Variants in FOXP1 observed in about 807,000 individuals in gnomAD.
FOXP1 encodes the protein forkhead box protein P1.
In FOXP1, 15 loss-of-function variants were observed where a neutral mutation model predicts 98.2. The ratio of observed to expected loss-of-function variants is 0.15; its 90% CI spans 0.10 to 0.24. The LOEUF is 0.24. Among genes scored for constraint, FOXP1 ranks in the 10% least tolerant of loss-of-function variants. FOXP1 has a pLI of 1.00. For missense variants in FOXP1, 633 were observed against 848.5 expected (o/e 0.75, Z 3.15); for synonymous variants, 371 against 314.5 (o/e 1.18, Z -1.90).
At chr3:71,443,241 G>A (rs1316068942) in intron 3 of FOXP1, among the ~76,000 whole-genome samples, 1 of 152,138 alleles carries the variant, frequency 6.6e-6, no homozygotes, top group African/African-American at 2.4e-5. Flanking sequence ...TATTCATGGG[G>A]TACTGTGTGA....
intron 5 of FOXP1, among the ~76,000 whole-genome samples, chr3:71,232,048 G>T (rs375172376): frequency 2.1e-4 from 32 of 152,328 alleles, no homozygotes; most frequent in African/African-American, 7.7e-4. Flanking sequence ...ATTTCTGGGG[G>T]TTGTCTGTCT....
intron 4 of FOXP1, among the ~76,000 whole-genome samples, chr3:71,304,271 G>A (rs1337191278): frequency 1.3e-5 from 2 of 152,098 alleles, no homozygotes; most frequent in African/African-American, 2.4e-5. Context: ...ACTCTCTCCT[G>A]CCTTACAGAA....
intron 14 of FOXP1, among the ~76,000 whole-genome samples, chr3:70,985,509 C>A (rs2039588248): frequency 6.6e-6 from 1 of 151,990 alleles, no homozygotes; most frequent in African/African-American, 2.4e-5. Flanking sequence ...AAGATGGTAT[C>A]TTTAATAAAA....
Position 71,534,453 on chromosome 3 carries a change from A to G in FOXP1, c.-297-40898T>C, listed in dbSNP as rs116712357. Among the ~76,000 whole-genome samples the G allele has an allele frequency of 4.2e-3, 633 of 152,214 alleles. 4 individuals are homozygous for G. The highest frequency in any genetic ancestry group is 0.014 in the African/African-American group (580 of 41,512). ...TGAGTTTTCACTCTGCATGTGGTCG[A>G]AAAAAAATCCACGTATGAGTAGACA... On this transcript the variant is annotated intron_variant, in intron 2 of 20. Transcript: ENST00000649528.
chr3:71,402,182 C>T (rs546073603), intron 3 of FOXP1, among the ~76,000 whole-genome samples: 8 of 152,260 alleles, frequency 5.3e-5, no homozygotes, highest in Admixed American at 4.6e-4. Context: ...AGGCCGGGCG[C>T]GGTGGCTCAC....
At chr3:71,047,623 C>T (rs752807357) in intron 9 of FOXP1, among the ~76,000 whole-genome samples, 26 of 152,238 alleles carry the variant, frequency 1.7e-4, no homozygotes, top group South Asian at 1.0e-3. Context: ...CCATGACAAA[C>T]GATGAAATAA....
chr3:71,248,105 A>G (rs886470288), intron 5 of FOXP1, among the ~76,000 whole-genome samples: 4 of 152,224 alleles, frequency 2.6e-5, no homozygotes, highest in Non-Finnish European at 5.9e-5. Context: ...ACACAAGCCA[A>G]TTAAATTCCC....
At chr3:71,076,076 T>C (rs959245832) in intron 7 of FOXP1, among the ~76,000 whole-genome samples, 1 of 152,094 alleles carries the variant, frequency 6.6e-6, no homozygotes, top group Non-Finnish European at 1.5e-5. Flanking sequence ...CAATGAACTG[T>C]AGGTTGACCA....
chr3:70,971,033 G>C (rs914559603), intron 18 of FOXP1: 2 of 520,906 alleles, frequency 3.8e-6, no homozygotes, highest in African/African-American at 1.9e-5. Flanking sequence ...GTAAAATTCT[G>C]GCTTAGGTAG....
intron 2 of FOXP1, among the ~76,000 whole-genome samples, chr3:71,518,904 C>G (rs769247032): frequency 6.6e-6 from 1 of 152,208 alleles, no homozygotes; most frequent in African/African-American, 2.4e-5. Context: ...GGAGAAAGAA[C>G]TGGCAAGGCT....
intron 2 of FOXP1, among the ~76,000 whole-genome samples, chr3:71,515,393 A>G (rs2042491026): frequency 6.7e-6 from 1 of 148,562 alleles, no homozygotes; most frequent in Admixed American, 6.9e-5. Flanking sequence ...ACGTTCAACT[A>G]AATGGTATAC....
rs112098084 is a variant in FOXP1, at chr3:70,956,415, CTTTTTT to C, written c.*2826_*2831del. On this transcript the variant is annotated 3_prime_UTR_variant, in exon 21 of 21. Coordinates refer to ENST00000649528, the MANE Select transcript of FOXP1 (RefSeq NM_001349338.3). ...CAAAGATATGTAAAATCTAATTTTT[CTTTTTT>C]TTTTTTTTTTGCTACAGTCTTTAGA... 2.7e-5 allele frequency: 5 copies of C among 186,590 alleles called. No individual in the cohort carries two copies. The highest frequency in any genetic ancestry group is 7.5e-5 in the East Asian group (1 of 13,384). The allele number at this position is 186,590 out of a possible 1,614,324, so 11.6% of individuals were successfully genotyped here.
chr3:71,554,691 G>A lies in FOXP1; in HGVS notation c.-298+26858C>T, dbSNP rs540781787. On this transcript the variant is annotated intron_variant, in intron 2 of 20. Transcript: ENST00000649528. Reference sequence around the variant, plus strand: ...AAAGTTATCAATCCTCTTTTTGAATGTGTTTTAAAAATGTTAGAATCCAAC... The same window carrying A: ...AAAGTTATCAATCCTCTTTTTGAATATGTTTTAAAAATGTTAGAATCCAAC... Among the ~76,000 whole-genome samples the A allele has an allele frequency of 2.0e-5, 3 of 152,294 alleles. No individual in the cohort carries two copies. The East Asian group carries it at 5.8e-4, about 29-fold the overall frequency.
chr3:71,046,257 A>G (rs1332800299), intron 10 of FOXP1, among the ~76,000 whole-genome samples: 3 of 152,196 alleles, frequency 2.0e-5, no homozygotes, highest in Non-Finnish European at 4.4e-5. Context: ...CACCCTTGGG[A>G]TAAAATGTCA....
chr3:71,246,847 G>T (rs2067788653), intron 5 of FOXP1, among the ~76,000 whole-genome samples: 1 of 152,134 alleles, frequency 6.6e-6, no homozygotes, highest in African/African-American at 2.4e-5. Flanking sequence ...TCATTAGCCT[G>T]TCTCAGAGAA....
chr3:71,500,835 C>T (rs1215445096), intron 2 of FOXP1, among the ~76,000 whole-genome samples: 3 of 152,182 alleles, frequency 2.0e-5, no homozygotes, highest in African/African-American at 7.2e-5. Context: ...GGAAACCTTT[C>T]TATTCATAGT....
At chr3:71,228,918 A>G (rs1195196103) in intron 5 of FOXP1, among the ~76,000 whole-genome samples, 1 of 152,146 alleles carries the variant, frequency 6.6e-6, no homozygotes, top group Non-Finnish European at 1.5e-5. Flanking sequence ...AAAGATGTTT[A>G]AAATGTGCTC....
At chr3:71,149,383 T>C (rs957374211) in intron 6 of FOXP1, among the ~76,000 whole-genome samples, 2 of 152,228 alleles carry the variant, frequency 1.3e-5, no homozygotes, top group African/African-American at 4.8e-5. Flanking sequence ...CTTTCCATTT[T>C]AACATCTCTA....
chr3:71,290,588 A>G (rs2072642347), intron 5 of FOXP1, among the ~76,000 whole-genome samples: 1 of 152,166 alleles, frequency 6.6e-6, no homozygotes, highest in Admixed American at 6.5e-5. Flanking sequence ...CATGAGTGAG[A>G]TCTTGCTCTA....
Sources: gnomAD v4.1 joint callset for allele counts (sites outside exome capture counted in the v4.1 genomes callset) on GRCh38, gnomAD v4.1.1 for gene constraint, MANE v1.5 for transcripts, NCBI Gene and HGNC (gene_info 2026-07-23, HGNC 2026-07-21) for gene names.